Variants in XXYLT1 observed in about 807,000 individuals in gnomAD.
XXYLT1 encodes UDP-xylose:alpha-xyloside alpha-1,3-xylosyltransferase.
XXYLT1 carries 20 observed loss-of-function variants against 28.9 expected under a neutral mutation model. The ratio of observed to expected loss-of-function variants is 0.69; its 90% CI spans 0.49 to 1.00. XXYLT1 has a LOEUF of 1.00. Among genes scored for constraint, XXYLT1 ranks in the 50% least tolerant of loss-of-function variants. XXYLT1 has a pLI of 0.00. For synonymous variants in XXYLT1, 257 were observed against 253.8 expected, an observed-to-expected ratio of 1.01 and a Z score of -0.12; for missense variants, 542 against 560.1, an observed-to-expected ratio of 0.97 and a Z score of 0.33.
intron 2 of XXYLT1, among the ~76,000 whole-genome samples, chr3:195,187,779 G>A (rs898744480): frequency 6.6e-6 from 1 of 152,156 alleles, no homozygotes; most frequent in Non-Finnish European, 1.5e-5. Context: ...GAAAGACCCG[G>A]GGCTGAGGAC....
At position 195,209,308 on chromosome 3, in the gene XXYLT1, G is replaced by A. The variant is rs1471759161; in HGVS notation, c.652+17401C>T. 1 of 152,342 alleles carries A rather than the reference G, an allele frequency of 6.6e-6. No homozygotes were observed. Among genetic ancestry groups the A allele is most frequent in the African/African-American group, 2.4e-5 (1 of 41,464 alleles). 9.4% of individuals were successfully genotyped at this position (152,342 alleles called of 1,614,324 possible). ...GCCGCTCTCAAACTGTCTTGTCATC[G>A]AGTGCCACACCCGCTGGACCCCACT... On this transcript the variant is annotated intron_variant, in intron 2 of 3. Coordinates refer to ENST00000310380, the MANE Select transcript of XXYLT1 (RefSeq NM_152531.5). The surrounding 1 kb of genome is among the most constrained non-coding windows in gnomAD (Gnocchi z 5.0).
chr3:195,170,351 A>G lies in XXYLT1; in HGVS notation c.653-13770T>C, dbSNP rs371421912. ...ACAGAAAACACCCATCTTTTAGTCA[A>G]TGTGCATGAGATTTAAGGCATTTAG... On this transcript the variant is annotated intron_variant, in intron 2 of 3. Coordinates refer to ENST00000310380, the MANE Select transcript of XXYLT1 (RefSeq NM_152531.5). Among the ~76,000 whole-genome samples the G allele has an allele frequency of 5.3e-5, 8 of 152,320 alleles. No individual in the cohort carries two copies. The East Asian group carries it at 9.7e-4, about 18-fold the overall frequency.
At chr3:195,095,819 G>C (rs1716407011) in intron 3 of XXYLT1, 1 of 152,200 alleles carries the variant, frequency 6.6e-6, no homozygotes, top group African/African-American at 2.4e-5. Context: ...CAGGTCAGCA[G>C]CTCAACAGGG....
At chr3:195,147,745 A>C (rs1396396681) in intron 3 of XXYLT1, 1 of 152,226 alleles carries the variant, frequency 6.6e-6, no homozygotes, top group African/African-American at 2.4e-5. Flanking sequence ...GCATTCACTC[A>C]ACAAACATCG....
chr3:195,175,697 A>G (rs1269896612), intron 2 of XXYLT1: 17 of 1,536,034 alleles, frequency 1.1e-5, no homozygotes, highest in Non-Finnish European at 1.5e-5. Flanking sequence ...CTGATGGACT[A>G]TGAGCAGAAG....
intron 1 of XXYLT1, among the ~76,000 whole-genome samples, chr3:195,233,192 C>T (rs1453170382): frequency 1.3e-5 from 2 of 152,000 alleles, no homozygotes; most frequent in African/African-American, 2.4e-5. Context: ...GCTACTTCTG[C>T]TCCTTTTTGG....
intron 3 of XXYLT1, among the ~76,000 whole-genome samples, chr3:195,089,363 G>A (rs550501912): frequency 2.5e-4 from 38 of 152,182 alleles, no homozygotes; most frequent in Non-Finnish European, 5.1e-4. Context: ...GAGAGTGGGG[G>A]CCAATATTCA....
At chr3:195,122,077 T>C in intron 3 of XXYLT1, 1 of 703,058 alleles carries the variant, frequency 1.4e-6, no homozygotes, top group Non-Finnish European at 2.6e-6. Flanking sequence ...ATTCTGTGTC[T>C]GGTGAGGACT....
intron 2 of XXYLT1, among the ~76,000 whole-genome samples, chr3:195,220,417 T>C (rs1723772857): frequency 6.6e-6 from 1 of 152,218 alleles, no homozygotes; most frequent in Non-Finnish European, 1.5e-5. Flanking sequence ...GTGCTGGGAT[T>C]ACAGGCGTGA....
In XXYLT1 at chr3:195,119,424, C is replaced by T. The variant is rs150294037; in HGVS notation, c.785+37025G>A. 1.6e-3 allele frequency among the ~76,000 whole-genome samples: 246 copies of T among 152,040 alleles called. 3 individuals carry two copies. The highest frequency in any genetic ancestry group is 3.7e-3 in the African/African-American group (154 of 41,436). On this transcript the variant is annotated intron_variant, in intron 3 of 3. Transcript: ENST00000310380. ...CTTTATTGGTCCTGCTGAGGACAGG[C>T]GATGAAGGGTATCCAGTAAGGGACC...
intron 1 of XXYLT1, among the ~76,000 whole-genome samples, chr3:195,229,442 A>AAAAT (rs1560164293): frequency 5.3e-5 from 8 of 152,300 alleles, no homozygotes; most frequent in East Asian, 1.9e-4. Flanking sequence ...ACTACTTTTT[A>AAAAT]CTGTAGTCAT....
chr3:195,121,427 C>T (rs988055356), intron 3 of XXYLT1, among the ~76,000 whole-genome samples: 2 of 152,184 alleles, frequency 1.3e-5, no homozygotes, highest in African/African-American at 2.4e-5. Flanking sequence ...CTCCTTTTGG[C>T]CTTCATACCC....
chr3:195,218,986 T>TA, intron 2 of XXYLT1, among the ~76,000 whole-genome samples: 1 of 151,790 alleles, frequency 6.6e-6, no homozygotes, highest in East Asian at 1.9e-4. Context: ...TATGCAGCCA[T>TA]AAAAAATGAT....
intron 3 of XXYLT1, among the ~76,000 whole-genome samples, chr3:195,136,233 A>G (rs1719190277): frequency 6.6e-6 from 1 of 152,236 alleles, no homozygotes; most frequent in Non-Finnish European, 1.5e-5. Flanking sequence ...CCACTCGGAC[A>G]GCGCTCAAAC....
chr3:195,094,067 T>A (rs1367970289), intron 3 of XXYLT1: 1 of 155,332 alleles, frequency 6.4e-6, no homozygotes, highest in East Asian at 1.9e-4. Flanking sequence ...TGTGTGGAAT[T>A]TCGTGGGCTG....
chr3:195,206,756 A>C (rs1349177523), intron 2 of XXYLT1, among the ~76,000 whole-genome samples: 1 of 151,384 alleles, frequency 6.6e-6, no homozygotes, highest in African/African-American at 2.4e-5. Flanking sequence ...ACAGAGCAAG[A>C]CTCCGTCTCA....
intron 2 of XXYLT1, among the ~76,000 whole-genome samples, chr3:195,175,302 G>A (rs989097729): frequency 4.6e-5 from 7 of 152,230 alleles, no homozygotes; most frequent in African/African-American, 9.6e-5. Flanking sequence ...GCCACGCAGC[G>A]TGCACTGGCT....
At chr3:195,151,945 A>G (rs1368987484) in intron 3 of XXYLT1, among the ~76,000 whole-genome samples, 1 of 152,202 alleles carries the variant, frequency 6.6e-6, no homozygotes, top group Non-Finnish European at 1.5e-5. Flanking sequence ...CTCTCACAAC[A>G]GAAACTTCCA....
rs1720124604 is a variant in XXYLT1 at position 195,150,283 on chromosome 3, A to C, written c.785+6166T>G. ...AAGAGACTAAGGCTCAGAGACGTCAAGAGACTTGCCCAAGGTCACACAGCA... is the reference window on the plus strand; with the variant it reads ...AAGAGACTAAGGCTCAGAGACGTCACGAGACTTGCCCAAGGTCACACAGCA... On this transcript the variant is annotated intron_variant, in intron 3 of 3. Coordinates refer to ENST00000310380, the MANE Select transcript of XXYLT1 (RefSeq NM_152531.5). The surrounding 1 kb of genome is among the most constrained non-coding windows in gnomAD (Gnocchi z 4.7). Among the ~76,000 whole-genome samples, 1 of 152,238 alleles carries C rather than the reference A, an allele frequency of 6.6e-6. No individual in the cohort carries two copies. The highest frequency in any genetic ancestry group is 2.4e-5 in the African/African-American group (1 of 41,462).
Sources: allele counts gnomAD v4.1 joint callset (sites outside exome capture counted in the v4.1 genomes callset), GRCh38; gene constraint gnomAD v4.1.1; non-coding constraint Gnocchi (gnomAD v3.1); transcripts MANE v1.5; gene names NCBI Gene and HGNC (gene_info 2026-07-23, HGNC 2026-07-21).